ME1: variants seen among roughly 807,000 people sequenced by gnomAD.
ME1 encodes malic enzyme 1.
Under a neutral mutation model 66.4 loss-of-function variants are expected in ME1, and 74 were observed. The observed-to-expected ratio is 1.11, with a 90% confidence interval of 0.92 to 1.35. The LOEUF is 1.35. ME1 is among the 40% of genes most tolerant of loss of function. The pLI is 0.00. For missense variants in ME1, 750 were observed against 694.1 expected, an observed-to-expected ratio of 1.08 and a Z score of -0.90; for synonymous variants, 251 against 235.6, an observed-to-expected ratio of 1.07 and a Z score of -0.60.
chr6:83,334,070 A>T (rs1279174238), intron 5 of ME1, among the ~76,000 whole-genome samples: 1 of 152,078 alleles, frequency 6.6e-6, no homozygotes, highest in Non-Finnish European at 1.5e-5. Flanking sequence ...TCTTCTCACT[A>T]GGGAGTGCCA....
chr6:83,242,470 T>G (rs1738632), intron 7 of ME1, among the ~76,000 whole-genome samples: 77,262 of 151,772 alleles, frequency 0.51, 21,303 homozygotes, highest in African/African-American at 0.74. Flanking sequence ...AGCAGGGGGA[T>G]GGGTGAATTT....
chr6:83,357,902 C>CCTCTCTCTCTCTCTCTCTCTCTCTCTCT (rs1051682306), intron 3 of ME1, among the ~76,000 whole-genome samples: 2 of 31,562 alleles, frequency 6.3e-5, no homozygotes, highest in Admixed American at 5.4e-4. Context: ...AATAAACTCC[C>CCTCTCTCTCTCTCTCTCTCTCTCTCTCT]CTCTCTCTCT....
At chr6:83,358,071 T>C (rs1768933503) in intron 3 of ME1, among the ~76,000 whole-genome samples, 1 of 148,242 alleles carries the variant, frequency 6.7e-6, no homozygotes, top group Non-Finnish European at 1.5e-5. Flanking sequence ...GTATAAGGAG[T>C]GGTTCTAGTG....
At chr6:83,393,573 T>A (rs1769672048) in intron 3 of ME1, among the ~76,000 whole-genome samples, 1 of 150,556 alleles carries the variant, frequency 6.6e-6, no homozygotes, top group Non-Finnish European at 1.5e-5. Context: ...AGCCCCACCT[T>A]TTCATGTACC....
At chr6:83,366,670 C>T (rs981338606) in intron 3 of ME1, among the ~76,000 whole-genome samples, 5 of 152,144 alleles carry the variant, frequency 3.3e-5, no homozygotes, top group Admixed American at 6.5e-5. Context: ...TTGCTGTATA[C>T]CTCTCTTGCC....
intron 6 of ME1, among the ~76,000 whole-genome samples, chr6:83,282,653 T>C (rs1217426408): frequency 2.9e-4 from 44 of 152,176 alleles, no homozygotes. Flanking sequence ...CACTTTATAC[T>C]GCTGGTGGGA....
At position 83,347,389 on chromosome 6, in the gene ME1, A is replaced by T. The variant is rs186363951; in HGVS notation, c.439-1055T>A. ...CATGTCAGTTATATGAATTTAAACA[A>T]AACCAATCTTATGAAACACAATTTA... On this transcript the variant is annotated intron_variant, in intron 4 of 13. Coordinates refer to ENST00000369705, the MANE Select transcript of ME1 (RefSeq NM_002395.6). Among the ~76,000 whole-genome samples, 13 of 152,352 alleles carry T rather than the reference A, an allele frequency of 8.5e-5. No homozygotes were observed. In the East Asian group the frequency reaches 2.5e-3, roughly 29 times the overall value.
chr6:83,252,511 G>A (rs2128528067), intron 7 of ME1, among the ~76,000 whole-genome samples: 1 of 152,252 alleles, frequency 6.6e-6, no homozygotes, highest in South Asian at 2.1e-4. Flanking sequence ...ATGTTGCCCA[G>A]GATGGTCTCA....
In ME1 at chr6:83,359,551, A is replaced by C. The variant is rs920992270; in HGVS notation, c.363-7412T>G. Among the ~76,000 whole-genome samples, 4 of 152,186 alleles carry C rather than the reference A, an allele frequency of 2.6e-5. 1 individual carries two copies. The highest frequency in any genetic ancestry group is 4.1e-4 in the South Asian group (2 of 4,836). On this transcript the variant is annotated intron_variant, in intron 3 of 13. Coordinates refer to ENST00000369705, the MANE Select transcript of ME1 (RefSeq NM_002395.6). ...TCAGGGGGTTACAAAAAGTTCTAAT[A>C]GTTTATTTACTTGGTTAGCTGAAAT...
At chr6:83,345,150 C>T (rs1768663733) in intron 5 of ME1, among the ~76,000 whole-genome samples, 1 of 152,112 alleles carries the variant, frequency 6.6e-6, no homozygotes, top group Admixed American at 6.5e-5. Flanking sequence ...TAGGTACACA[C>T]CACCTCTCCT....
At chr6:83,321,243 C>T (rs985287060) in intron 5 of ME1, among the ~76,000 whole-genome samples, 2 of 152,146 alleles carry the variant, frequency 1.3e-5, no homozygotes, top group Middle Eastern at 3.2e-3. Context: ...TGGGCAGACA[C>T]CAAGCTAGCT....
chr6:83,260,093 A>G (rs1441558770), intron 6 of ME1, among the ~76,000 whole-genome samples: 1 of 152,020 alleles, frequency 6.6e-6, no homozygotes, highest in African/African-American at 2.4e-5. Flanking sequence ...TTAAAACAGT[A>G]TTTCCAACCA....
At chr6:83,377,786 A>G (rs1769320983) in intron 3 of ME1, among the ~76,000 whole-genome samples, 1 of 152,218 alleles carries the variant, frequency 6.6e-6, no homozygotes, top group African/African-American at 2.4e-5. Context: ...TGGTGTTTAG[A>G]AAGTATTTTT....
intron 9 of ME1, among the ~76,000 whole-genome samples, chr6:83,231,760 TC>T (rs1240904450): frequency 3.3e-5 from 5 of 152,206 alleles, no homozygotes; most frequent in Non-Finnish European, 5.9e-5. Context: ...CTTGCTGAAA[TC>T]CTTTTGCCTT....
rs1583321125 is a variant in ME1, at chr6:83,212,133, A to G, written c.1549-39T>C. On this transcript the variant is annotated intron_variant, in intron 13 of 13. Coordinates refer to ENST00000369705, the MANE Select transcript of ME1 (RefSeq NM_002395.6). ...AAGAATATTAATTATTTTAATAAATAGAGGTAATCATGAGCCCATGTGAGT... is the reference window on the plus strand; with the variant it reads ...AAGAATATTAATTATTTTAATAAATGGAGGTAATCATGAGCCCATGTGAGT... 2.7e-6 allele frequency: 4 copies of G among 1,464,182 alleles called. No homozygotes were observed. The East Asian group carries it at 7.5e-5, about 27-fold the overall frequency. The allele number at this position is 1,464,182 out of a possible 1,614,324, so 90.7% of individuals were successfully genotyped here.
chr6:83,349,830 A>T (rs1419914291), intron 4 of ME1, among the ~76,000 whole-genome samples: 1 of 152,198 alleles, frequency 6.6e-6, no homozygotes, highest in Non-Finnish European at 1.5e-5. Flanking sequence ...TCCAATATTA[A>T]CACTCAGCTT....
At chr6:83,318,107 A>C (rs1400844218) in intron 5 of ME1, among the ~76,000 whole-genome samples, 4 of 151,830 alleles carry the variant, frequency 2.6e-5, no homozygotes, top group African/African-American at 9.7e-5. Flanking sequence ...ATATGTAGAA[A>C]GCTGAAACTG....
At chr6:83,318,102 T>C (rs1196707206) in intron 5 of ME1, among the ~76,000 whole-genome samples, 1 of 151,610 alleles carries the variant, frequency 6.6e-6, no homozygotes, top group African/African-American at 2.4e-5. Flanking sequence ...TAGCCATATG[T>C]AGAAAGCTGA....
At chr6:83,379,883 C>G (rs1201388119) in intron 3 of ME1, among the ~76,000 whole-genome samples, 1 of 151,888 alleles carries the variant, frequency 6.6e-6, no homozygotes, top group Non-Finnish European at 1.5e-5. Context: ...TACCTCTTGT[C>G]AAAAGAAAGG....
Sources: allele counts gnomAD v4.1 joint callset (sites outside exome capture counted in the v4.1 genomes callset), GRCh38; gene constraint gnomAD v4.1.1; transcripts MANE v1.5; gene names NCBI Gene and HGNC (gene_info 2026-07-23, HGNC 2026-07-21).